The following SBK1 variants were observed in gnomAD, a reference collection of about 807,000 sequenced individuals.
SBK1 encodes serine/threonine-protein kinase SBK1.
SBK1 carries 11 observed loss-of-function variants against 24.4 expected under a neutral mutation model. That is an observed-to-expected ratio of 0.45 (90% confidence interval 0.28 to 0.75). The LOEUF (loss-of-function observed/expected upper bound fraction) is 0.75. Among genes scored for constraint, SBK1 ranks in the 30% least tolerant of loss-of-function variants. The pLI, the probability that SBK1 is intolerant of heterozygous loss-of-function variation, is 0.12. For missense variants in SBK1, 467 were observed against 620.5 expected (o/e 0.75, Z 2.63); for synonymous variants, 308 against 284.4 (o/e 1.08, Z -0.83).
At chr16:28,280,141 A>ATG (rs1407793111) in intron 1 of SBK1, among the ~76,000 whole-genome samples, 3 of 58,238 alleles carry the variant, frequency 5.2e-5, no homozygotes, top group African/African-American at 1.4e-4. Context: ...ATATATATAT[A>ATG]TATATATATG....
chr16:28,296,306 G>T (rs1277440466), intron 1 of SBK1, among the ~76,000 whole-genome samples: 2 of 151,880 alleles, frequency 1.3e-5, no homozygotes, highest in Non-Finnish European at 2.9e-5. Flanking sequence ...TCTTGGCCAG[G>T]CTGGTCTTGA....
In SBK1 at chr16:28,320,835, C is replaced by A; in HGVS notation, c.1189C>A (p.Gln397Lys). The A allele has an allele frequency of 6.8e-7, 1 of 1,466,168 alleles. No homozygotes were observed. Among genetic ancestry groups the A allele is most frequent in the Non-Finnish European group, 9.0e-7 (1 of 1,109,532 alleles). The allele number at this position is 1,466,168 out of a possible 1,614,324, so 90.8% of individuals were successfully genotyped here. ...TGTGCCCGAGCCCGGCCTAGCTCCC[C>A]AGGGGCCCCCCGGCCGGACCGACGG... The part of the protein sequence containing the change: ...VPVPEPGLAP[Q>K]GPPGRTDGRA... Residue 397 changes from glutamine (Q) to lysine (K), a missense_variant, in exon 4 of 4, where the codon CAG becomes AAG. Coordinates refer to ENST00000341901, the MANE Select transcript of SBK1 (RefSeq NM_001024401.3). This position sits in a 1 kb window ranked among gnomAD's most constrained non-coding sequence, Gnocchi z 8.5.
intron 1 of SBK1, among the ~76,000 whole-genome samples, chr16:28,310,900 A>ATCAAGGCCAAGCC (rs1453234988): frequency 6.6e-6 from 1 of 152,132 alleles, no homozygotes; most frequent in African/African-American, 2.4e-5. Context: ...GCACATTAGG[A>ATCAAGGCCAAGCC]TCAAGGCCAA....
rs1302472053 is a variant in SBK1, at chr16:28,322,927, T to TCTCC, written c.*2010_*2013dup. ...CTCTCTCTCTCGCGCGCGCTCTCTC[T>TCTCC]CTCCCTCTCTCTCTCTCTCTCTCTC... On this transcript the variant is annotated 3_prime_UTR_variant, in exon 4 of 4. Coordinates refer to ENST00000341901, the MANE Select transcript of SBK1 (RefSeq NM_001024401.3). 1.4e-4 allele frequency: 2 copies of TCTCC among 13,970 alleles called. No homozygotes were observed. Among genetic ancestry groups the TCTCC allele is most frequent in the African/African-American group, 4.7e-4 (2 of 4,228 alleles). 0.9% of individuals were successfully genotyped at this position (13,970 alleles called of 1,614,324 possible). A position where few individuals can be genotyped will look rare whatever the true frequency, so the allele number is the denominator to read the frequency against.
rs2044832694 is a variant in SBK1 at position 28,320,550 on chromosome 16, C to A, written c.904C>A (p.Arg302Ser). 11 of 1,553,146 alleles carry A rather than the reference C, an allele frequency of 7.1e-6. No individual in the cohort carries two copies. The highest frequency in any genetic ancestry group is 9.5e-6 in the Non-Finnish European group (11 of 1,156,676). Residue 302 changes from arginine (R) to serine (S), a missense_variant, in exon 4 of 4, where the codon CGC becomes AGC. By Grantham distance (110) the Arg-to-Ser change is moderately radical (BLOSUM62 -1). Coordinates refer to ENST00000341901, the MANE Select transcript of SBK1 (RefSeq NM_001024401.3). The surrounding 1 kb of genome is among the most constrained non-coding windows in gnomAD (Gnocchi z 8.5). ...FQRLLALEPE[R>S]RGPAKEVFRF... ...GCGCTTACTGGCCCTGGAGCCCGAG[C>A]GCCGCGGCCCAGCCAAGGAGGTGTT...
chr16:28,304,360 C>G (rs996500336), intron 1 of SBK1, among the ~76,000 whole-genome samples: 1 of 152,086 alleles, frequency 6.6e-6, no homozygotes, highest in African/African-American at 2.4e-5. Context: ...GACACTGGAG[C>G]TGGAGAGAGG....
chr16:28,317,661 C>A lies in SBK1; in HGVS notation c.226+44C>A. The stretch of plus-strand genomic sequence containing the variant: ...GCAGGGCTGAGAGGTTGGGGTGGGG[C>A]AGGGCTGGGAGGTCAGGGTTGGGGG... On this transcript the variant is annotated intron_variant, in intron 2 of 3. Coordinates refer to ENST00000341901, the MANE Select transcript of SBK1 (RefSeq NM_001024401.3). This position sits in a 1 kb window ranked among gnomAD's most constrained non-coding sequence, Gnocchi z 4.2. 4 of 1,282,750 alleles carry A rather than the reference C, an allele frequency of 3.1e-6. No homozygotes were observed. Among genetic ancestry groups the A allele is most frequent in the Non-Finnish European group, 4.5e-6 (4 of 880,684 alleles). The allele number at this position is 1,282,750 out of a possible 1,614,324, so 79.5% of individuals were successfully genotyped here.
intron 1 of SBK1, among the ~76,000 whole-genome samples, chr16:28,273,105 C>A (rs1157955181): frequency 6.6e-6 from 1 of 150,824 alleles, no homozygotes; most frequent in Admixed American, 6.6e-5. Context: ...GAGACAGGGT[C>A]TCATTATGTT....
intron 1 of SBK1, among the ~76,000 whole-genome samples, chr16:28,306,806 C>T (rs539621222): frequency 1.2e-4 from 19 of 152,174 alleles, no homozygotes; most frequent in Non-Finnish European, 2.6e-4. Flanking sequence ...TAATTCTCTA[C>T]GTGTTTGGGA....
chr16:28,289,556 G>A (rs569697180), upstream of SBK1, among the ~76,000 whole-genome samples: 921 of 151,212 alleles, frequency 6.1e-3, 18 homozygotes, highest in Non-Finnish European at 7.8e-3. Flanking sequence ...ACCTGAGGTC[G>A]GGAGTTCAAG....
intron 1 of SBK1, among the ~76,000 whole-genome samples, chr16:28,294,378 C>T (rs1293273719): frequency 6.6e-6 from 1 of 152,190 alleles, no homozygotes; most frequent in African/African-American, 2.4e-5. Context: ...ATGCTGGACC[C>T]ATTTGATAGG....
chr16:28,317,813 A>G lies in SBK1; in HGVS notation c.226+196A>G, dbSNP rs1009252473. On this transcript the variant is annotated intron_variant, in intron 2 of 3. Coordinates refer to ENST00000341901, the MANE Select transcript of SBK1 (RefSeq NM_001024401.3). The surrounding 1 kb of genome is among the most constrained non-coding windows in gnomAD (Gnocchi z 4.2). ...GGGAAAGAGACTGGGCAGATGGGGC[A>G]AGGGAGGAATCCGGGGCAGAGTGGC... 1.8e-4 allele frequency among the ~76,000 whole-genome samples: 28 copies of G among 151,974 alleles called. No individual in the cohort carries two copies. Among genetic ancestry groups the G allele is most frequent in the Non-Finnish European group, 2.5e-4 (17 of 68,004 alleles).
intron 1 of SBK1, among the ~76,000 whole-genome samples, chr16:28,297,218 C>A (rs1596547987): frequency 6.6e-6 from 1 of 152,220 alleles, no homozygotes; most frequent in East Asian, 1.9e-4. Flanking sequence ...GTAATCCCTG[C>A]TACTAGGGAG....
chr16:28,263,698 A>T (rs2044411008), intron 1 of SBK1, among the ~76,000 whole-genome samples: 2 of 152,186 alleles, frequency 1.3e-5, no homozygotes, highest in African/African-American at 4.8e-5. Flanking sequence ...AATCTGATTG[A>T]CATTTTAAAG....
chr16:28,303,293 G>A (rs1383849504), intron 1 of SBK1, among the ~76,000 whole-genome samples: 1 of 152,048 alleles, frequency 6.6e-6, no homozygotes, highest in Non-Finnish European at 1.5e-5. Flanking sequence ...TTGGAGGCAG[G>A]GACCAGTTAG....
In SBK1 at chr16:28,323,038, G is replaced by T. The variant is rs943933342; in HGVS notation, c.*2117G>T. On this transcript the variant is annotated 3_prime_UTR_variant, in exon 4 of 4. Coordinates refer to ENST00000341901, the MANE Select transcript of SBK1 (RefSeq NM_001024401.3). ...ATCCTGTTCGGGAGTTTCCCCAGCC[G>T]TTGTAGTATCTAGTATGTTAGAGTT... 1 of 132,092 alleles carries T rather than the reference G, an allele frequency of 7.6e-6. No homozygotes were observed. The highest frequency in any genetic ancestry group is 2.9e-5 in the African/African-American group (1 of 33,970). The allele number at this position is 132,092 out of a possible 1,614,324, so 8.2% of individuals were successfully genotyped here.
intron 1 of SBK1, among the ~76,000 whole-genome samples, chr16:28,272,332 A>C (rs1369642874): frequency 1.3e-5 from 2 of 152,050 alleles, no homozygotes; most frequent in Admixed American, 6.6e-5. Context: ...AGCCTCCCAA[A>C]GTGCTGGGAT....
At chr16:28,278,452 C>T (rs1025525776) in intron 1 of SBK1, among the ~76,000 whole-genome samples, 5 of 152,214 alleles carry the variant, frequency 3.3e-5, no homozygotes, top group African/African-American at 7.2e-5. Flanking sequence ...AGCGATCCTC[C>T]TGCCTCAGTC....
intron 1 of SBK1, among the ~76,000 whole-genome samples, chr16:28,260,958 T>C (rs559079090): frequency 3.3e-4 from 50 of 152,164 alleles, no homozygotes; most frequent in Admixed American, 6.5e-4. Context: ...GGAAAGGGCA[T>C]CGCAGGCAGT....
Sources: allele counts gnomAD v4.1 joint callset (sites outside exome capture counted in the v4.1 genomes callset), GRCh38; gene constraint gnomAD v4.1.1; non-coding constraint Gnocchi (gnomAD v3.1); transcripts MANE v1.5; gene names NCBI Gene and HGNC (gene_info 2026-07-23, HGNC 2026-07-21).